The following SYNE2 variants were observed in gnomAD, a reference collection of about 807,000 sequenced individuals.
SYNE2 encodes nesprin-2.
A neutral mutation model predicts 856.3 loss-of-function variants in SYNE2; 431 were observed. The ratio of observed to expected loss-of-function variants is 0.50; its 90% confidence interval spans 0.47 to 0.55. The LOEUF is 0.55. Ranked by LOEUF, SYNE2 falls within the 20% of genes least tolerant of loss-of-function variation. The pLI is 0.00. For synonymous variants in SYNE2, 2,923 were observed against 2,872.3 expected, an observed-to-expected ratio of 1.02 and a Z score of -0.56; for missense variants, 8,129 against 8,023.2, an observed-to-expected ratio of 1.01 and a Z score of -0.50.
At chr14:64,018,236 CT>C (rs1183040993) in intron 34 of SYNE2, among the ~76,000 whole-genome samples, 1 of 151,926 alleles carries the variant, frequency 6.6e-6, no homozygotes, top group Non-Finnish European at 1.5e-5. Flanking sequence ...GGTTACCAGA[CT>C]TTTTCTTTTC....
At position 64,143,887 on chromosome 14, in the gene SYNE2, C is replaced by G. The variant is rs756115307; in HGVS notation, c.15422C>G (p.Ala5141Gly). ...ESKRYERTEF[A>G]EHLGEMNRQW... ...AAGCGCTATGAAAGAACGGAGTTTG[C>G]AGAGCACCTGGGGGAGATGAACCGC... Residue 5141 changes from alanine (A) to glycine (G), a missense_variant, in exon 83 of 116, where the codon GCA (alanine) becomes GGA (glycine). Physicochemically the swap from Ala to Gly is moderately conservative, Grantham distance 60 (BLOSUM62 0). Coordinates refer to ENST00000555002, the MANE Select transcript of SYNE2 (RefSeq NM_182914.3). 2.5e-6 allele frequency: 4 copies of G among 1,614,170 alleles called. No homozygotes were observed. The South Asian group carries it at 4.4e-5, about 18-fold the overall frequency.
At chr14:64,212,162 A>G in intron 104 of SYNE2, 64 bp downstream of exon 104, 2 of 1,609,956 alleles carry the variant, frequency 1.2e-6, no homozygotes, top group African/African-American at 2.7e-5. Flanking sequence ...AGAGCTGGCC[A>G]AGTGCAAATT....
chr14:64,005,285 A>T (rs1367184751), intron 30 of SYNE2, among the ~76,000 whole-genome samples: 2 of 152,196 alleles, frequency 1.3e-5, no homozygotes, highest in African/African-American at 2.4e-5. Flanking sequence ...TTGAGAGAAG[A>T]CATGGGAAGT....
intron 1 of SYNE2, among the ~76,000 whole-genome samples, chr14:63,901,835 G>A (rs1039271160): frequency 6.6e-6 from 1 of 152,050 alleles, no homozygotes; most frequent in Non-Finnish European, 1.5e-5. Flanking sequence ...GAGGTGGGAG[G>A]ATGACTTGAG....
chr14:63,823,480 G>A (rs918022546), intron 1 of SYNE2, among the ~76,000 whole-genome samples: 3 of 151,740 alleles, frequency 2.0e-5, no homozygotes, highest in Non-Finnish European at 4.4e-5. Flanking sequence ...CCCAGCCCAA[G>A]TCTACCAAAT....
chr14:64,018,629 G>A (rs1284447821), intron 34 of SYNE2, among the ~76,000 whole-genome samples: 3 of 152,200 alleles, frequency 2.0e-5, no homozygotes, highest in African/African-American at 7.2e-5. Context: ...CCCTGCTGTT[G>A]GAGAATTGAA....
intron 34 of SYNE2, 42 bp from the exon 35 acceptor site, chr14:64,019,950 A>T (rs766978472): frequency 7.6e-7 from 1 of 1,311,102 alleles, no homozygotes. Flanking sequence ...AAAATAAGGT[A>T]TGAAATAAAA....
chr14:64,070,362 G>A (rs1323457448), intron 51 of SYNE2, among the ~76,000 whole-genome samples: 1 of 152,194 alleles, frequency 6.6e-6, no homozygotes, highest in Non-Finnish European at 1.5e-5. Context: ...TTATCCATCT[G>A]AAATCTGAAG....
intron 107 of SYNE2, 41 bp downstream of exon 107, chr14:64,215,395 T>A: frequency 3.1e-6 from 5 of 1,594,396 alleles, no homozygotes; most frequent in Non-Finnish European, 4.3e-6. Context: ...GGCAGCATCC[T>A]GTGGCGCACA....
At position 64,126,442 on chromosome 14, in the gene SYNE2, A is replaced by G. The variant is rs1215002631; in HGVS notation, c.13670A>G (p.Tyr4557Cys). Residue 4557 changes from tyrosine to cysteine, a missense_variant, in exon 72 of 116, where the codon TAC (tyrosine) becomes TGC (cysteine). By Grantham distance (194) the Tyr-to-Cys change is radical. Transcript: ENST00000555002. ...GAGATGCTGGAGATGCCCAGACTTT[A>G]CAGGGAGGATGGTTCTGGCCAGCAG... is the stretch of plus-strand genomic sequence containing the variant. ...VEEMLEMPRL[Y>C]REDGSGQQVH... 7.4e-6 allele frequency: 12 copies of G among 1,614,014 alleles called. No individual in the cohort carries two copies. The highest frequency in any genetic ancestry group is 1.0e-5 in the Non-Finnish European group (12 of 1,180,024).
intron 1 of SYNE2, among the ~76,000 whole-genome samples, chr14:63,830,181 C>G (rs1889615301): frequency 6.6e-6 from 1 of 151,424 alleles, no homozygotes; most frequent in South Asian, 2.1e-4. Flanking sequence ...TTAGGGAAAT[C>G]TTTAGAGATG....
intron 94 of SYNE2, among the ~76,000 whole-genome samples, chr14:64,172,156 T>A (rs2153727765): frequency 6.6e-6 from 1 of 152,340 alleles, no homozygotes; most frequent in Admixed American, 6.5e-5. Context: ...CAGCCCCATA[T>A]TTTTTAAAGA....
At position 64,219,266 on chromosome 14, in the gene SYNE2, A is replaced by G. The variant is rs1168162001; in HGVS notation, c.19716A>G (p.Ile6572Met). Residue 6572 changes from isoleucine to methionine, a missense_variant, in exon 110 of 116, where the codon ATA (isoleucine) becomes ATG (methionine). This residue lies in a region of SYNE2 where 5,410 missense variants were observed against 5,284.8 expected (regional missense o/e 1.02). Coordinates refer to ENST00000555002, the MANE Select transcript of SYNE2 (RefSeq NM_182914.3). ...QAQELHNKLKIKQNLQQLNSD... is the reference protein window; with the variant it reads ...QAQELHNKLKMKQNLQQLNSD... Reference sequence around the variant, plus strand: ...AGGAGCTTCACAATAAGCTCAAAATAAAACAAAATTTGCAACAGCTGAACT... The same window carrying G: ...AGGAGCTTCACAATAAGCTCAAAATGAAACAAAATTTGCAACAGCTGAACT... The G allele has an allele frequency of 5.6e-6, 9 of 1,613,968 alleles. No homozygotes were observed. The highest frequency in any genetic ancestry group is 2.2e-5 in the East Asian group (1 of 44,890).
chr14:63,895,975 A>G (rs2095246452), intron 1 of SYNE2, among the ~76,000 whole-genome samples: 3 of 152,276 alleles, frequency 2.0e-5, no homozygotes, highest in Middle Eastern at 6.8e-3. Context: ...AGAGAAACAT[A>G]AAATTCTATA....
rs765785595 is a variant in SYNE2 at position 64,022,892 on chromosome 14, A to G, written c.5637+29A>G. The G allele has an allele frequency of 7.3e-6, 9 of 1,240,194 alleles. No homozygotes were observed. In the Admixed American group the frequency reaches 1.6e-4, roughly 23 times the overall value. The allele number at this position is 1,240,194 out of a possible 1,614,324, so 76.8% of individuals were successfully genotyped here. On this transcript the variant is annotated intron_variant, in intron 38 of 115. Transcript: ENST00000555002. Reference sequence around the variant, plus strand: ...AGAGATATATGTGTATTTTTAATAAAAATTTTCAATACTAAAATACTGGAG... The same window carrying G: ...AGAGATATATGTGTATTTTTAATAAGAATTTTCAATACTAAAATACTGGAG...
chr14:64,013,650 G>A (rs2096866004), intron 32 of SYNE2, among the ~76,000 whole-genome samples: 1 of 152,144 alleles, frequency 6.6e-6, no homozygotes, highest in South Asian at 2.1e-4. Flanking sequence ...AACATTTATT[G>A]TGTTCCAGTG....
intron 6 of SYNE2, among the ~76,000 whole-genome samples, chr14:63,948,272 A>G (rs1223515643): frequency 6.6e-6 from 1 of 152,142 alleles, no homozygotes; most frequent in African/African-American, 2.4e-5. Context: ...TTTAAAAAAT[A>G]TTGCATCTTT....
At chr14:63,991,821 T>C (rs953859548) in intron 21 of SYNE2, among the ~76,000 whole-genome samples, 6 of 152,196 alleles carry the variant, frequency 3.9e-5, no homozygotes, top group East Asian at 1.9e-4. Context: ...TGAACACTTA[T>C]AATGAGCTGG....
chr14:63,928,992 C>A (rs569251697), intron 2 of SYNE2, among the ~76,000 whole-genome samples: 1 of 152,250 alleles, frequency 6.6e-6, no homozygotes, highest in African/African-American at 2.4e-5. Context: ...TTGTAATTTC[C>A]TGAACCACAG....
Sources: gnomAD v4.1 joint callset for allele counts (sites outside exome capture counted in the v4.1 genomes callset) on GRCh38, gnomAD v4.1.1 for gene constraint, gnomAD v4.1.1 regional missense constraint, MANE v1.5 for transcripts, NCBI Gene and HGNC (gene_info 2026-07-23, HGNC 2026-07-21) for gene names.